Variants in LHX9 observed in about 807,000 individuals in gnomAD.
The protein encoded by LHX9 is LIM/homeobox protein Lhx9.
In LHX9, 9 loss-of-function variants were observed where a neutral mutation model predicts 36.5. That is an observed-to-expected ratio of 0.25 (90% CI 0.15 to 0.43). LHX9 has a LOEUF of 0.43. Among genes scored for constraint, LHX9 ranks in the 20% least tolerant of loss-of-function variants. LHX9 has a pLI of 1.00. For synonymous variants in LHX9, 211 were observed against 212.1 expected, an observed-to-expected ratio of 0.99 and a Z score of 0.04; for missense variants, 464 against 526.4, an observed-to-expected ratio of 0.88 and a Z score of 1.16.
chr1:197,924,078 A>G (rs1660077868), intron 3 of LHX9, among the ~76,000 whole-genome samples: 3 of 152,242 alleles, frequency 2.0e-5, no homozygotes, highest in Admixed American at 2.0e-4. Context: ...ACCAGAAATC[A>G]GGCCATCATT....
chr1:197,912,477 T>G, upstream of LHX9: 2 of 1,605,746 alleles, frequency 1.2e-6, no homozygotes, highest in Non-Finnish European at 1.7e-6. Flanking sequence ...ACTCCCGGCT[T>G]TTCTCTGCCA....
At chr1:197,916,222 G>A, upstream of LHX9, 1 of 167,790 alleles carries the variant, frequency 6.0e-6, no homozygotes, top group Non-Finnish European at 1.3e-5. Context: ...TTTTTAATGG[G>A]GCCGGGGAGG....
chr1:197,928,820 A>T (rs1344444654), intron 4 of LHX9, among the ~76,000 whole-genome samples, 182 bp from the exon 5 acceptor site: 1 of 152,044 alleles, frequency 6.6e-6, no homozygotes, highest in Non-Finnish European at 1.5e-5. Context: ...ACTCTGTTTT[A>T]AAAGAAAAGA....
chr1:197,923,990 C>A (rs921245861), intron 3 of LHX9, among the ~76,000 whole-genome samples: 2 of 152,060 alleles, frequency 1.3e-5, no homozygotes, highest in Admixed American at 1.3e-4. Flanking sequence ...GGACTTTTCC[C>A]AGAGATACTA....
chr1:197,919,419 G>C (rs1014660441), intron 1 of LHX9, among the ~76,000 whole-genome samples: 1 of 152,208 alleles, frequency 6.6e-6, no homozygotes, highest in Non-Finnish European at 1.5e-5. Flanking sequence ...AACAGCAGGG[G>C]CTGCCAAATA....
intron 2 of LHX9, among the ~76,000 whole-genome samples, chr1:197,920,592 C>T (rs979893498): frequency 1.7e-4 from 26 of 152,160 alleles, no homozygotes; most frequent in African/African-American, 5.5e-4. Flanking sequence ...GTTAGGTTTT[C>T]GTAGGTGGCA....
At position 197,932,251 on chromosome 1, in the gene LHX9, GA is replaced by G. The variant is rs1174600293; in HGVS notation, c.*2999del. On this transcript the variant is annotated 3_prime_UTR_variant, in exon 5 of 5. Coordinates refer to ENST00000367387, the MANE Select transcript of LHX9 (RefSeq NM_020204.3). ...GCAGTAATATGCCCACCCCATATTT[GA>G]AAAAAATTATTATTGAAAAAAATTT... The G allele has an allele frequency of 3.3e-6, 1 of 304,120 alleles. No homozygotes were observed. The highest frequency in any genetic ancestry group is 9.2e-4 in the Middle Eastern group (1 of 1,084). The allele number at this position is 304,120 out of a possible 1,614,324, so 18.8% of individuals were successfully genotyped here. A position where few individuals can be genotyped will look rare whatever the true frequency, so the allele number is the denominator to read the frequency against.
chr1:197,926,483 AT>A (rs1377431850), intron 3 of LHX9, among the ~76,000 whole-genome samples: 1 of 152,224 alleles, frequency 6.6e-6, no homozygotes, highest in Non-Finnish European at 1.5e-5. Context: ...AAATGTTTTC[AT>A]TTTACAATTG....
upstream of LHX9, among the ~76,000 whole-genome samples, chr1:197,916,952 A>C (rs1261970126): frequency 6.6e-6 from 1 of 152,306 alleles, no homozygotes. Context: ...TTTGAAGTTG[A>C]TATTCTCTGT....
chr1:197,933,684 T>C lies in LHX9; in HGVS notation c.*4425T>C, dbSNP rs6667492. On this transcript the variant is annotated 3_prime_UTR_variant, in exon 5 of 5. Transcript: ENST00000367387. ...AGACCAGAGAGGGAAAGAACATAAC[T>C]GAAATTAGACATCTGAAAAAAAAAT... The C allele has an allele frequency of 0.46, 67,128 of 145,622 alleles. 16,438 individuals are homozygous for C. The highest frequency in any genetic ancestry group is 0.57 in the Non-Finnish European group (37,936 of 67,110). The allele number at this position is 145,622 out of a possible 1,614,324, so 9.0% of individuals were successfully genotyped here.
upstream of LHX9, chr1:197,912,614 A>T: frequency 3.2e-6 from 5 of 1,557,902 alleles, no homozygotes; most frequent in Admixed American, 1.7e-5. Context: ...GCCAGTGCGT[A>T]TACCATGTGA....
chr1:197,914,517 A>C (rs1044638476), upstream of LHX9, among the ~76,000 whole-genome samples: 1 of 152,166 alleles, frequency 6.6e-6, no homozygotes. Flanking sequence ...TCCTTTGAGA[A>C]TGAGGAGCGG....
At chr1:197,919,216 A>C (rs984239263) in intron 1 of LHX9, among the ~76,000 whole-genome samples, 3 of 152,256 alleles carry the variant, frequency 2.0e-5, no homozygotes, top group African/African-American at 7.2e-5. Context: ...GGGCATCCCG[A>C]GTCGGGTCAG....
chr1:197,921,252 T>C lies in LHX9; in HGVS notation c.378-52T>C. ...CCAAACCCAGGTGTCGCGGGTGGGATATGGCTCTGCCTTGCTTCAACTAGC... is the reference window on the plus strand; with the variant it reads ...CCAAACCCAGGTGTCGCGGGTGGGACATGGCTCTGCCTTGCTTCAACTAGC... On this transcript the variant is annotated intron_variant, in intron 2 of 4. Transcript: ENST00000367387. The surrounding 1 kb of genome is among the most constrained non-coding windows in gnomAD (Gnocchi z 4.6). The C allele has an allele frequency of 6.6e-7, 1 of 1,514,252 alleles. No homozygotes were observed. The highest frequency in any genetic ancestry group is 9.0e-7 in the Non-Finnish European group (1 of 1,111,170). 93.8% of individuals were successfully genotyped at this position (1,514,252 alleles called of 1,614,324 possible). A position where few individuals can be genotyped will look rare whatever the true frequency, so the allele number is the denominator to read the frequency against.
intron 3 of LHX9, among the ~76,000 whole-genome samples, chr1:197,927,305 G>C (rs1170372071): frequency 6.6e-6 from 1 of 152,136 alleles, no homozygotes; most frequent in African/African-American, 2.4e-5. Context: ...TTACTACTTA[G>C]GGTTTGTTCA....
upstream of LHX9, chr1:197,912,491 C>T (rs762098353): frequency 7.4e-6 from 12 of 1,612,364 alleles, no homozygotes; most frequent in Admixed American, 1.2e-4. Flanking sequence ...TCTGCCAGTG[C>T]AACCACCATT....
chr1:197,932,956 G>A lies in LHX9; in HGVS notation c.*3697G>A, dbSNP rs1299696315. 3 of 151,842 alleles carry A rather than the reference G, an allele frequency of 2.0e-5. No individual in the cohort carries two copies. Among genetic ancestry groups the A allele is most frequent in the Non-Finnish European group, 4.4e-5 (3 of 67,894 alleles). 9.4% of individuals were successfully genotyped at this position (151,842 alleles called of 1,614,324 possible). A position where few individuals can be genotyped will look rare whatever the true frequency, so the allele number is the denominator to read the frequency against. On this transcript the variant is annotated 3_prime_UTR_variant, in exon 5 of 5. Coordinates refer to ENST00000367387, the MANE Select transcript of LHX9 (RefSeq NM_020204.3). ...CTATGCAATGAACAAATTTATTGAT[G>A]TATACAAATATATTCTGAACTATAA... is the stretch of plus-strand genomic sequence containing the variant.
At chr1:197,913,084 C>T (rs1357240441), upstream of LHX9, 1 of 156,628 alleles carries the variant, frequency 6.4e-6, no homozygotes, top group Non-Finnish European at 1.4e-5. Context: ...CCCTTTATTT[C>T]TGCAGAGCTG....
chr1:197,913,885 C>T (rs1418452285), upstream of LHX9, among the ~76,000 whole-genome samples: 1 of 152,190 alleles, frequency 6.6e-6, no homozygotes, highest in Non-Finnish European at 1.5e-5. Context: ...TCAAAATATG[C>T]ACATTTGTTG....
Sources: allele counts gnomAD v4.1 joint callset (sites outside exome capture counted in the v4.1 genomes callset), GRCh38; gene constraint gnomAD v4.1.1; non-coding constraint Gnocchi (gnomAD v3.1); transcripts MANE v1.5; gene names NCBI Gene and HGNC (gene_info 2026-07-23, HGNC 2026-07-21).